The following SRPX2 variants were observed in gnomAD, a reference collection of about 807,000 sequenced individuals.
SRPX2 encodes the protein sushi repeat containing protein X-linked 2.
In SRPX2, 26 loss-of-function variants were observed where a neutral mutation model predicts 45.3. The observed-to-expected ratio is 0.57, with a 90% confidence interval of 0.42 to 0.80. The LOEUF is 0.80. Ranked by LOEUF, SRPX2 falls within the 30% of genes least tolerant of loss-of-function variation. SRPX2 has a pLI of 0.00. For synonymous variants in SRPX2, 125 were observed against 143.7 expected, an observed-to-expected ratio of 0.87 and a Z score of 0.93; for missense variants, 355 against 399.8, an observed-to-expected ratio of 0.89 and a Z score of 0.95.
intron 5 of SRPX2, 122 bp from the exon 6 acceptor site, chrX:100,665,121 C>T: frequency 9.0e-7 from 1 of 1,106,312 alleles, no homozygotes; most frequent in Non-Finnish European, 1.2e-6. Flanking sequence ...GCTTCCTTCC[C>T]CAGTTTCCTT....
intron 6 of SRPX2, 28 bp downstream of exon 6, chrX:100,665,397 T>C: frequency 8.3e-7 from 1 of 1,207,958 alleles, no homozygotes; most frequent in Non-Finnish European, 1.1e-6. Context: ...ATGCCCCTTA[T>C]GCCTTCCCTC....
In SRPX2 at chrX:100,644,351, C is replaced by T. The variant is rs1569356865; in HGVS notation, c.-295C>T. On this transcript the variant is annotated 5_prime_UTR_variant, in exon 1 of 11. Coordinates refer to ENST00000373004, the MANE Select transcript of SRPX2 (RefSeq NM_014467.3). ...GGAAACTTTTGGCAGATGTGGACGT[C>T]GTAACATCTGGGCAGTGTTAACAGA... 1.8e-5 allele frequency: 2 copies of T among 112,108 alleles called. No homozygotes were observed. The highest frequency in any genetic ancestry group is 9.4e-5 in the Admixed American group (1 of 10,610). 9.2% of individuals were successfully genotyped at this position (112,108 alleles called of 1,213,427 possible). A position where few individuals can be genotyped will look rare whatever the true frequency, so the allele number is the denominator to read the frequency against.
At chrX:100,659,266 A>T (rs1434359630) in intron 3 of SRPX2, among the ~76,000 whole-genome samples, 2 of 112,124 alleles carry the variant, frequency 1.8e-5, no homozygotes, top group African/African-American at 6.5e-5. Flanking sequence ...ATTTGAAAAC[A>T]GATTGTGTTT....
At chrX:100,655,855 GTTTTTTT>G (rs11362126) in intron 3 of SRPX2, among the ~76,000 whole-genome samples, 2 of 50,010 alleles carry the variant, frequency 4.0e-5, no homozygotes, top group Non-Finnish European at 3.7e-5. Flanking sequence ...GGGTGGGGGA[GTTTTTTT>G]TTTTTTTTTT....
intron 3 of SRPX2, among the ~76,000 whole-genome samples, chrX:100,652,549 A>G (rs2083156852): frequency 9.0e-6 from 1 of 110,957 alleles, no homozygotes; most frequent in Admixed American, 9.6e-5. Context: ...AAAAAAAGAG[A>G]ATTAGTGGTC....
At chrX:100,648,583 G>A (rs931662884) in intron 2 of SRPX2, among the ~76,000 whole-genome samples, 1 of 112,224 alleles carries the variant, frequency 8.9e-6, no homozygotes, top group African/African-American at 3.2e-5. Flanking sequence ...AGGCAAAGAG[G>A]GGAAATGGGA....
chrX:100,661,752 A>G (rs2083188240), intron 3 of SRPX2, among the ~76,000 whole-genome samples: 1 of 111,866 alleles, frequency 8.9e-6, no homozygotes, highest in African/African-American at 3.3e-5. Context: ...CCTGGGCGAG[A>G]GTGAGACTCC....
At position 100,665,254 on chromosome X, in the gene SRPX2, C is replaced by T; in HGVS notation, c.544C>T (p.Pro182Ser). The T allele has an allele frequency of 8.3e-7, 1 of 1,210,089 alleles. No individual in the cohort carries two copies. The highest frequency in any genetic ancestry group is 1.1e-6 in the Non-Finnish European group (1 of 894,768). The change falls in exon 6 of 11, where the codon CCC becomes TCC. Residue 182 changes from proline to serine, a missense_variant. Physicochemically the swap from Pro to Ser is moderately conservative, Grantham distance 74 (BLOSUM62 -1). Coordinates refer to ENST00000373004, the MANE Select transcript of SRPX2 (RefSeq NM_014467.3). ...GEPVCVDIDP[P>S]KIRCPHSREK... ...TTTCATCTTGGCAGACATAGATCCC[C>T]CCAAGATCCGCTGTCCCCACTCACG... is the stretch of plus-strand genomic sequence containing the variant.
chrX:100,662,298 C>G lies in SRPX2; in HGVS notation c.286C>G (p.Arg96Gly), dbSNP rs1211102571. Residue 96 changes from arginine to glycine, a missense_variant, in exon 4 of 11, where the codon CGA (arginine) becomes GGA (glycine). By Grantham distance (125) the Arg-to-Gly change is moderately radical (BLOSUM62 -2). Coordinates refer to ENST00000373004, the MANE Select transcript of SRPX2 (RefSeq NM_014467.3). ...TGAGCTCTCCTGTGACCGGGGCTTT[C>G]GATTGATTGGAAGGAGGTCGGTGCA... The part of the protein sequence containing the change: ...RCELSCDRGF[R>G]LIGRRSVQCL... 8.3e-7 allele frequency: 1 copy of G among 1,211,632 alleles called. No homozygotes were observed. The highest frequency in any genetic ancestry group is 1.1e-6 in the Non-Finnish European group (1 of 895,554).
chrX:100,657,822 T>G (rs1224890223), intron 3 of SRPX2, among the ~76,000 whole-genome samples: 2 of 112,199 alleles, frequency 1.8e-5, no homozygotes, highest in African/African-American at 6.5e-5. Context: ...TATTTTGTTT[T>G]TGTTTTTTGT....
chrX:100,656,794 C>G (rs1441574229), intron 3 of SRPX2, among the ~76,000 whole-genome samples: 1 of 111,959 alleles, frequency 8.9e-6, no homozygotes, highest in Non-Finnish European at 1.9e-5. Context: ...ATGCAGATCC[C>G]TTTGATATCT....
At chrX:100,644,976 T>C (rs1439543154) in intron 1 of SRPX2, among the ~76,000 whole-genome samples, 1 of 111,651 alleles carries the variant, frequency 9.0e-6, no homozygotes, top group Non-Finnish European at 1.9e-5. Context: ...TCTCTTTCCT[T>C]CAGCTCTGTC....
intron 10 of SRPX2, 63 bp from the exon 11 acceptor site, chrX:100,670,744 G>A: frequency 8.5e-7 from 1 of 1,172,986 alleles, no homozygotes; most frequent in Non-Finnish European, 1.2e-6. Context: ...TCAGAGGGTA[G>A]TAGAGCCTGT....
At chrX:100,657,030 C>A (rs1483494895) in intron 3 of SRPX2, among the ~76,000 whole-genome samples, 5 of 110,165 alleles carry the variant, frequency 4.5e-5, no homozygotes, top group African/African-American at 1.6e-4. Flanking sequence ...TGGGTTCAAG[C>A]GATTCTCCTG....
intron 3 of SRPX2, among the ~76,000 whole-genome samples, chrX:100,657,150 A>T (rs889814373): frequency 2.8e-5 from 3 of 105,901 alleles, no homozygotes; most frequent in Admixed American, 1.0e-4. Flanking sequence ...CTGGTCTCGA[A>T]CTCCTGACCT....
intron 9 of SRPX2, among the ~76,000 whole-genome samples, chrX:100,667,863 C>T (rs1005465006): frequency 9.0e-6 from 1 of 111,578 alleles, no homozygotes; most frequent in East Asian, 2.8e-4. Context: ...TATCGTTATC[C>T]CCATTGAATA....
intron 3 of SRPX2, among the ~76,000 whole-genome samples, chrX:100,653,273 TG>T (rs760284549): frequency 3.6e-5 from 4 of 111,596 alleles, no homozygotes; most frequent in Non-Finnish European, 7.5e-5. Context: ...TTCTACCTAC[TG>T]ACCTTCCTAC....
At chrX:100,647,151 C>T (rs1309017292) in intron 2 of SRPX2, among the ~76,000 whole-genome samples, 2 of 112,005 alleles carry the variant, frequency 1.8e-5, no homozygotes, top group East Asian at 5.6e-4. Flanking sequence ...TTATATGGGG[C>T]CCAGCTGGCA....
At chrX:100,664,215 A>T (rs867864525) in intron 4 of SRPX2, among the ~76,000 whole-genome samples, 16 of 98,759 alleles carry the variant, frequency 1.6e-4, no homozygotes, top group Admixed American at 5.6e-4. Flanking sequence ...GTCAGGTCTG[A>T]TTTTTTTTTT....
Sources: gnomAD v4.1 joint callset for allele counts (sites outside exome capture counted in the v4.1 genomes callset) on GRCh38, gnomAD v4.1.1 for gene constraint, MANE v1.5 for transcripts, NCBI Gene and HGNC (gene_info 2026-07-23, HGNC 2026-07-21) for gene names.